The following MDFIC variants were observed in gnomAD, a reference collection of about 807,000 sequenced individuals.
MDFIC encodes myoD family inhibitor domain-containing protein.
In MDFIC, 17 loss-of-function variants were observed where a neutral mutation model predicts 23.2. The ratio of observed to expected loss-of-function variants is 0.73; its 90% confidence interval spans 0.50 to 1.10. The LOEUF (loss-of-function observed/expected upper bound fraction) is 1.10, where lower values mean the gene tolerates loss of function less well. Ranked by LOEUF, MDFIC falls within the 50% of genes least tolerant of loss-of-function variation. The probability of loss-of-function intolerance (pLI) is 0.00; values close to 1 mark genes in which losing one functional copy is unlikely to be tolerated. For synonymous variants in MDFIC, 120 were observed against 115.2 expected (o/e 1.04, Z -0.27); for missense variants, 356 against 316.6 (o/e 1.12, Z -0.95).
chr7:114,988,673 G>A (rs1184240967), intron 4 of MDFIC, among the ~76,000 whole-genome samples: 4 of 152,086 alleles, frequency 2.6e-5, no homozygotes, highest in East Asian at 3.8e-4. Flanking sequence ...AAATTAGGAG[G>A]AATAGCTGAA....
intron 4 of MDFIC, among the ~76,000 whole-genome samples, chr7:115,005,887 A>T (rs1226384642): frequency 6.6e-6 from 1 of 152,210 alleles, no homozygotes; most frequent in African/African-American, 2.4e-5. Flanking sequence ...GTCATCATTG[A>T]TTCACAAATT....
chr7:115,006,528 T>G (rs1791573971), intron 4 of MDFIC, among the ~76,000 whole-genome samples: 1 of 152,214 alleles, frequency 6.6e-6, no homozygotes, highest in Non-Finnish European at 1.5e-5. Context: ...ACAAAACTGA[T>G]TTATTTTCAT....
chr7:114,934,919 G>T (rs1427033008), intron 2 of MDFIC, among the ~76,000 whole-genome samples: 2 of 152,006 alleles, frequency 1.3e-5, no homozygotes, highest in Non-Finnish European at 2.9e-5. Flanking sequence ...AGGCTTGAGG[G>T]TTTTTTTGTT....
intron 4 of MDFIC, among the ~76,000 whole-genome samples, chr7:114,998,313 T>C (rs919327881): frequency 6.6e-6 from 1 of 152,206 alleles, no homozygotes; most frequent in Non-Finnish European, 1.5e-5. Flanking sequence ...CCACCTATAG[T>C]AAAACCTTAT....
chr7:114,953,091 A>G (rs981316867), intron 3 of MDFIC, among the ~76,000 whole-genome samples: 2 of 152,236 alleles, frequency 1.3e-5, no homozygotes, highest in Non-Finnish European at 2.9e-5. Flanking sequence ...AATATTTACT[A>G]CAGAACATGG....
In MDFIC at chr7:114,979,657, T is replaced by A. The variant is rs1341011405; in HGVS notation, c.369T>A (p.Leu123=). 3 of 1,613,902 alleles carry A rather than the reference T, an allele frequency of 1.9e-6. No homozygotes were observed. The highest frequency in any genetic ancestry group is 2.2e-5 in the South Asian group (2 of 91,082). The part of the protein sequence containing the change: ...AKHGSADNRK[L]SAPVSQKMHR... Reference sequence around the variant, plus strand: ...ACGGATCCGCAGATAATCGCAAACTTTCAGCACCTGTTTCTCAAAAAATGC... The same window carrying A: ...ACGGATCCGCAGATAATCGCAAACTATCAGCACCTGTTTCTCAAAAAATGC... Residue 123 remains leucine (L), a synonymous_variant, in exon 4 of 5, where the codon CTT becomes CTA. Coordinates refer to ENST00000393486, the MANE Select transcript of MDFIC (RefSeq NM_001166345.3).
chr7:115,007,308 CTTTA>C (rs891558955), intron 4 of MDFIC, among the ~76,000 whole-genome samples: 1 of 152,104 alleles, frequency 6.6e-6, no homozygotes, highest in African/African-American at 2.4e-5. Context: ...ATGTTAAATC[CTTTA>C]TTAAGTACTT....
At chr7:114,933,717 C>T (rs1792373980) in intron 2 of MDFIC, among the ~76,000 whole-genome samples, 2 of 152,138 alleles carry the variant, frequency 1.3e-5, no homozygotes, top group South Asian at 4.1e-4. Context: ...GAATGTGATG[C>T]CTCTGAAAAG....
At chr7:114,949,420 T>A (rs1792716219) in intron 3 of MDFIC, among the ~76,000 whole-genome samples, 1 of 152,202 alleles carries the variant, frequency 6.6e-6, no homozygotes, top group Non-Finnish European at 1.5e-5. Context: ...TAACATTTAA[T>A]GATCAAGACC....
intron 2 of MDFIC, among the ~76,000 whole-genome samples, chr7:114,930,777 TA>T (rs895260836): frequency 6.6e-5 from 10 of 151,972 alleles, no homozygotes; most frequent in Middle Eastern, 3.4e-3. Flanking sequence ...ATGGAACAGA[TA>T]AAAAAAAATT....
intron 4 of MDFIC, 120 bp downstream of exon 4, chr7:114,979,901 T>G: frequency 8.0e-7 from 1 of 1,252,310 alleles, no homozygotes; most frequent in Non-Finnish European, 1.1e-6. Context: ...AAACAGGAAT[T>G]TTGGTAAAAT....
At chr7:114,936,113 AAC>A in intron 2 of MDFIC, among the ~76,000 whole-genome samples, 1 of 152,156 alleles carries the variant, frequency 6.6e-6, no homozygotes, top group Non-Finnish European at 1.5e-5. Flanking sequence ...GACAAAGATT[AAC>A]TTGCCCAGGA....
At position 114,942,313 on chromosome 7, in the gene MDFIC, C is replaced by A. The variant is rs1339040460; in HGVS notation, c.133C>A (p.Gln45Lys). ...DKDNTEKDITQATNSHFTHGE... is the reference protein window; with the variant it reads ...DKDNTEKDITKATNSHFTHGE... ...AGACAATACTGAGAAAGATATAACT[C>A]AAGCTACCAATAGCCACTTCACACA... The change falls in exon 3 of 5, where the codon CAA becomes AAA. Residue 45 changes from glutamine (Q) to lysine (K), a missense_variant. Coordinates refer to ENST00000393486, the MANE Select transcript of MDFIC (RefSeq NM_001166345.3). 4 of 1,584,730 alleles carry A rather than the reference C, an allele frequency of 2.5e-6. No individual in the cohort carries two copies. In the South Asian group the frequency reaches 4.5e-5, roughly 18 times the overall value.
At chr7:114,922,680 C>T in intron 1 of MDFIC, 44 bp downstream of exon 1, 2 of 1,340,180 alleles carry the variant, frequency 1.5e-6, no homozygotes, top group South Asian at 4.1e-5. Context: ...GGTTTGATCC[C>T]CATCCCCGGG....
intron 2 of MDFIC, among the ~76,000 whole-genome samples, chr7:114,941,446 G>A (rs1384447918): frequency 6.6e-6 from 1 of 152,198 alleles, no homozygotes; most frequent in Non-Finnish European, 1.5e-5. Context: ...TGCTTTTGGA[G>A]TTTGCCCGTG....
intron 3 of MDFIC, among the ~76,000 whole-genome samples, chr7:114,974,906 A>G (rs1376562564): frequency 6.6e-6 from 1 of 151,722 alleles, no homozygotes; most frequent in Non-Finnish European, 1.5e-5. Context: ...ATCATGCTGT[A>G]TTGTGTCAGC....
chr7:114,942,316 G>T lies in MDFIC; in HGVS notation c.136G>T (p.Ala46Ser). 1 of 1,587,656 alleles carries T rather than the reference G, an allele frequency of 6.3e-7. No individual in the cohort carries two copies. The highest frequency in any genetic ancestry group is 8.6e-7 in the Non-Finnish European group (1 of 1,159,058). The change falls in exon 3 of 5, where the codon GCT becomes TCT. Residue 46 changes from alanine to serine, a missense_variant. By Grantham distance (99) the Ala-to-Ser change is moderately conservative (BLOSUM62 1). Transcript: ENST00000393486. ...CAATACTGAGAAAGATATAACTCAA[G>T]CTACCAATAGCCACTTCACACATGG... ...KDNTEKDITQ[A>S]TNSHFTHGEM...
In MDFIC at chr7:114,922,457, C is replaced by T; in HGVS notation, c.-287C>T. 7 of 1,245,680 alleles carry T rather than the reference C, an allele frequency of 5.6e-6. No individual in the cohort carries two copies. Among genetic ancestry groups the T allele is most frequent in the Non-Finnish European group, 7.1e-6 (7 of 989,292 alleles). The allele number at this position is 1,245,680 out of a possible 1,614,324, so 77.2% of individuals were successfully genotyped here. A position where few individuals can be genotyped will look rare whatever the true frequency, so the allele number is the denominator to read the frequency against. On this transcript the variant is annotated 5_prime_UTR_variant, in exon 1 of 5. Transcript: ENST00000393486. ...GCCGCCACCGCTGCCGCAGTTGCCG[C>T]CACTGCGGCGTCTGGGCTGAGCCGG...
intron 2 of MDFIC, among the ~76,000 whole-genome samples, chr7:114,927,339 T>TG (rs398111740): frequency 2.0e-5 from 3 of 151,064 alleles, no homozygotes; most frequent in African/African-American, 4.9e-5. Flanking sequence ...TTTTTTTTTT[T>TG]GGAGGGAAAG....
Sources: gnomAD v4.1 joint callset for allele counts (sites outside exome capture counted in the v4.1 genomes callset) on GRCh38, gnomAD v4.1.1 for gene constraint, MANE v1.5 for transcripts, NCBI Gene and HGNC (gene_info 2026-07-23, HGNC 2026-07-21) for gene names.